Variants in KCNB2 observed in about 807,000 individuals in gnomAD.
KCNB2 encodes the protein potassium voltage-gated channel subfamily B member 2.
Under a neutral mutation model 61.5 loss-of-function variants are expected in KCNB2, and 15 were observed. That is an observed-to-expected ratio of 0.24 (90% CI 0.16 to 0.38). The LOEUF (loss-of-function observed/expected upper bound fraction) is 0.38. Among genes scored for constraint, KCNB2 ranks in the 10% least tolerant of loss-of-function variants. KCNB2 has a pLI of 1.00. For missense variants in KCNB2, 828 were observed against 1,125.2 expected (o/e 0.74, Z 3.78); for synonymous variants, 457 against 446.0 (o/e 1.02, Z -0.31).
At chr8:72,817,421 T>C (rs996611304) in intron 2 of KCNB2, among the ~76,000 whole-genome samples, 10 of 152,278 alleles carry the variant, frequency 6.6e-5, no homozygotes, top group African/African-American at 2.4e-4. Flanking sequence ...ACAGCCCAGA[T>C]AGTCATTGAT....
chr8:72,779,926 G>C (rs1037092614), intron 2 of KCNB2, among the ~76,000 whole-genome samples: 2 of 152,062 alleles, frequency 1.3e-5, no homozygotes. Context: ...ATGTTACTGA[G>C]ATTTATCTAG....
chr8:72,910,132 A>G (rs1469194403), intron 2 of KCNB2, among the ~76,000 whole-genome samples: 1 of 152,216 alleles, frequency 6.6e-6, no homozygotes, highest in Non-Finnish European at 1.5e-5. Flanking sequence ...TACACATTAC[A>G]TTGCTAAGCC....
chr8:72,824,569 C>G (rs1809566944), intron 2 of KCNB2, among the ~76,000 whole-genome samples: 1 of 152,194 alleles, frequency 6.6e-6, no homozygotes, highest in African/African-American at 2.4e-5. Context: ...CTGCTTCACC[C>G]TAGGCACACT....
Position 72,899,901 on chromosome 8 carries a change from G to A in KCNB2, c.580-36034G>A, listed in dbSNP as rs558669430. The stretch of plus-strand genomic sequence containing the variant: ...AGCCAGAAAACAGGCCAGTTGTCAT[G>A]GGTCATGCTTGTAATCCCAGCATTT... On this transcript the variant is annotated intron_variant, in intron 2 of 2. Transcript: ENST00000523207. Among the ~76,000 whole-genome samples, 25 of 152,280 alleles carry A rather than the reference G, an allele frequency of 1.6e-4. No individual in the cohort carries two copies. In the South Asian group the frequency reaches 5.2e-3, roughly 32 times the overall value.
chr8:72,679,723 CT>C (rs1305469131), intron 2 of KCNB2, among the ~76,000 whole-genome samples: 9 of 152,148 alleles, frequency 5.9e-5, no homozygotes, highest in Non-Finnish European at 1.5e-5. Context: ...TGTCTTGTGG[CT>C]TTGTGTAGCC....
chr8:72,653,798 T>C (rs1371199733), intron 2 of KCNB2, among the ~76,000 whole-genome samples: 1 of 152,214 alleles, frequency 6.6e-6, no homozygotes, highest in East Asian at 1.9e-4. Flanking sequence ...AAACTACATG[T>C]TGATGGCATA....
intron 2 of KCNB2, among the ~76,000 whole-genome samples, chr8:72,830,311 C>T (rs1373028571): frequency 6.6e-6 from 1 of 151,040 alleles, no homozygotes; most frequent in Non-Finnish European, 1.5e-5. Context: ...GCTTTTCTAT[C>T]CAGACGATTA....
chr8:72,560,625 G>C (rs902494241), intron 1 of KCNB2, among the ~76,000 whole-genome samples: 1 of 152,074 alleles, frequency 6.6e-6, no homozygotes, highest in Non-Finnish European at 1.5e-5. Flanking sequence ...AGTGTAAAGG[G>C]CACTTTTACC....
At chr8:72,672,123 A>G (rs1168290577) in intron 2 of KCNB2, among the ~76,000 whole-genome samples, 1 of 152,194 alleles carries the variant, frequency 6.6e-6, no homozygotes, top group East Asian at 1.9e-4. Context: ...AATTCATTCA[A>G]ATGTAGTGGT....
chr8:72,663,172 G>A (rs943671018), intron 2 of KCNB2, among the ~76,000 whole-genome samples: 6 of 152,144 alleles, frequency 3.9e-5, no homozygotes, highest in South Asian at 4.2e-4. Flanking sequence ...ATTGACAAAG[G>A]CTTTTAGAGG....
intron 2 of KCNB2, among the ~76,000 whole-genome samples, chr8:72,572,967 C>T (rs1398408372): frequency 1.3e-5 from 2 of 152,136 alleles, no homozygotes; most frequent in Non-Finnish European, 2.9e-5. Context: ...CTTAGCCATC[C>T]TTGGATCAAG....
chr8:72,667,361 C>G (rs977446957), intron 2 of KCNB2, among the ~76,000 whole-genome samples: 9 of 152,150 alleles, frequency 5.9e-5, no homozygotes, highest in Admixed American at 2.0e-4. Flanking sequence ...ATTCATCTGT[C>G]CACCTGCTTT....
intron 2 of KCNB2, among the ~76,000 whole-genome samples, chr8:72,775,221 C>CCCAA (rs1808630109): frequency 6.6e-6 from 1 of 152,160 alleles, no homozygotes; most frequent in Non-Finnish European, 1.5e-5. Flanking sequence ...GACTGAAAAA[C>CCCAA]CCAACCACCC....
intron 2 of KCNB2, among the ~76,000 whole-genome samples, chr8:72,904,343 C>T (rs1242644010): frequency 2.0e-5 from 3 of 152,060 alleles, no homozygotes; most frequent in Admixed American, 2.0e-4. Flanking sequence ...CAGATTTGGA[C>T]ATCCTGAAAT....
rs574508154 is a variant in KCNB2, at chr8:72,705,271, G to C, written c.579+136958G>C. On this transcript the variant is annotated intron_variant, in intron 2 of 2. Coordinates refer to ENST00000523207, the MANE Select transcript of KCNB2 (RefSeq NM_004770.3). ...TTGTTATCCCTGGAACGTTTTTCTT[G>C]AGATGGCCCCTCTCTGTTGCATACA... Among the ~76,000 whole-genome samples, 46 of 152,250 alleles carry C rather than the reference G, an allele frequency of 3.0e-4. No individual in the cohort carries two copies. The South Asian group carries it at 5.2e-3, about 17-fold the overall frequency.
intron 2 of KCNB2, among the ~76,000 whole-genome samples, chr8:72,628,850 T>C: frequency 6.6e-6 from 1 of 152,220 alleles, no homozygotes; most frequent in Non-Finnish European, 1.5e-5. Flanking sequence ...CCATGCCAGC[T>C]CTCTCTTCTT....
intron 2 of KCNB2, among the ~76,000 whole-genome samples, chr8:72,578,962 G>C (rs1164568660): frequency 6.6e-6 from 1 of 152,184 alleles, no homozygotes; most frequent in African/African-American, 2.4e-5. Flanking sequence ...GCCTCATGGT[G>C]TACTTTCTGT....
chr8:72,923,970 A>T (rs1366815435), intron 2 of KCNB2, among the ~76,000 whole-genome samples: 3 of 152,172 alleles, frequency 2.0e-5, no homozygotes, highest in Non-Finnish European at 2.9e-5. Flanking sequence ...TACTTCTGTA[A>T]ACGTAATTGT....
chr8:72,539,033 A>G (rs896576058), intron 1 of KCNB2, among the ~76,000 whole-genome samples: 2 of 151,642 alleles, frequency 1.3e-5, no homozygotes, highest in African/African-American at 4.8e-5. Flanking sequence ...ACATATCAAG[A>G]AAATAAAGTT....
Sources: gnomAD v4.1 joint callset for allele counts (sites outside exome capture counted in the v4.1 genomes callset) on GRCh38, gnomAD v4.1.1 for gene constraint, MANE v1.5 for transcripts, NCBI Gene and HGNC (gene_info 2026-07-23, HGNC 2026-07-21) for gene names.